Variants in SRPK2 observed in about 807,000 individuals in gnomAD.
The protein encoded by SRPK2 is SFRS protein kinase 2.
A neutral mutation model predicts 90.8 loss-of-function variants in SRPK2; 21 were observed. The ratio of observed to expected loss-of-function variants is 0.23; its 90% CI spans 0.16 to 0.33. The LOEUF is 0.33. Ranked by LOEUF, SRPK2 falls within the 10% of genes least tolerant of loss-of-function variation. The pLI, the probability that SRPK2 is intolerant of heterozygous loss-of-function variation, is 1.00. For missense variants in SRPK2, 620 were observed against 869.0 expected, an observed-to-expected ratio of 0.71 and a Z score of 3.60; for synonymous variants, 288 against 311.1, an observed-to-expected ratio of 0.93 and a Z score of 0.78.
chr7:105,178,212 C>G (rs985859822), intron 3 of SRPK2, among the ~76,000 whole-genome samples: 3 of 151,798 alleles, frequency 2.0e-5, no homozygotes, highest in African/African-American at 7.3e-5. Flanking sequence ...AGCAAAAACA[C>G]TAATAATAAT....
At chr7:105,370,726 A>C (rs1318221967) in intron 2 of SRPK2, among the ~76,000 whole-genome samples, 1 of 147,616 alleles carries the variant, frequency 6.8e-6, no homozygotes, top group East Asian at 2.0e-4. Context: ...AATGATTCTC[A>C]TGCCTTACCC....
chr7:105,187,199 C>T (rs1483300524), intron 3 of SRPK2, among the ~76,000 whole-genome samples: 2 of 152,216 alleles, frequency 1.3e-5, no homozygotes, highest in Non-Finnish European at 2.9e-5. Flanking sequence ...AAACCTCCTC[C>T]TCGGTTCTGC....
At chr7:105,306,707 T>C (rs1585637230) in intron 2 of SRPK2, 1 of 334,144 alleles carries the variant, frequency 3.0e-6, no homozygotes, top group East Asian at 7.8e-5. Flanking sequence ...CTGCAATCCA[T>C]TTTAATGCTG....
chr7:105,297,224 AG>A (rs1372646405), intron 2 of SRPK2, among the ~76,000 whole-genome samples: 1 of 152,212 alleles, frequency 6.6e-6, no homozygotes, highest in Non-Finnish European at 1.5e-5. Context: ...TGGAATATAA[AG>A]TAAAAACAAG....
intron 2 of SRPK2, among the ~76,000 whole-genome samples, chr7:105,370,573 C>G (rs1819575743): frequency 6.6e-6 from 1 of 151,286 alleles, no homozygotes; most frequent in Admixed American, 6.6e-5. Context: ...ACAATGCACT[C>G]TGGAACTGAC....
chr7:105,298,697 TAA>T (rs1307393306), intron 2 of SRPK2: 1 of 984,338 alleles, frequency 1.0e-6, no homozygotes, highest in Non-Finnish European at 1.2e-6. Flanking sequence ...ACCCCCTGCC[TAA>T]AATAGTTCAT....
intron 9 of SRPK2, among the ~76,000 whole-genome samples, chr7:105,144,360 C>T (rs1804241157): frequency 6.6e-6 from 1 of 151,682 alleles, no homozygotes; most frequent in South Asian, 2.1e-4. Flanking sequence ...ACTGCCTTAG[C>T]CTCCTGAGTA....
intron 2 of SRPK2, among the ~76,000 whole-genome samples, chr7:105,367,579 A>G (rs1413488999): frequency 6.6e-6 from 1 of 152,120 alleles, no homozygotes; most frequent in Non-Finnish European, 1.5e-5. Context: ...AGGGCATCAC[A>G]GGGATACTTC....
intron 2 of SRPK2, among the ~76,000 whole-genome samples, chr7:105,258,949 T>G (rs1803781926): frequency 6.6e-6 from 1 of 152,146 alleles, no homozygotes; most frequent in Non-Finnish European, 1.5e-5. Context: ...GGACAAAAAC[T>G]GGAAGCATTC....
At chr7:105,381,551 G>C (rs777237614) in intron 2 of SRPK2, among the ~76,000 whole-genome samples, 1 of 152,144 alleles carries the variant, frequency 6.6e-6, no homozygotes, top group Non-Finnish European at 1.5e-5. Flanking sequence ...ACACTGTCCT[G>C]CAATGGTCTT....
Position 105,376,790 on chromosome 7 carries a change from G to A in SRPK2, c.71+11858C>T, listed in dbSNP as rs1341273663. On this transcript the variant is annotated intron_variant, in intron 2 of 15. Transcript: ENST00000393651. ...TGACCTCAGGAGATCCACCCACCTC[G>A]GCCTACCAAAGTGCTAGGATTACAG... is the stretch of plus-strand genomic sequence containing the variant. 3.3e-5 allele frequency among the ~76,000 whole-genome samples: 5 copies of A among 150,662 alleles called. No homozygotes were observed. The East Asian group carries it at 7.8e-4, about 24-fold the overall frequency.
chr7:105,114,893 A>C (rs796877341), downstream of SRPK2, among the ~76,000 whole-genome samples: 3 of 152,350 alleles, frequency 2.0e-5, no homozygotes, highest in African/African-American at 7.2e-5. Flanking sequence ...TGTCCAACAA[A>C]ATTCTATTTA....
At chr7:105,351,532 G>A (rs1817176769) in intron 2 of SRPK2, among the ~76,000 whole-genome samples, 1 of 151,810 alleles carries the variant, frequency 6.6e-6, no homozygotes, top group South Asian at 2.1e-4. Context: ...GCCGGGCGCA[G>A]TAGCTCACAC....
chr7:105,300,132 A>G (rs1686254306), intron 2 of SRPK2, among the ~76,000 whole-genome samples: 1 of 151,674 alleles, frequency 6.6e-6, no homozygotes, highest in Admixed American at 6.6e-5. Context: ...GTGCATCTGT[A>G]GGCCCCGCTA....
intron 2 of SRPK2, among the ~76,000 whole-genome samples, chr7:105,231,474 CTTT>C (rs1460113486): frequency 6.6e-6 from 1 of 152,176 alleles, no homozygotes; most frequent in Non-Finnish European, 1.5e-5. Context: ...GTTTTTAGCT[CTTT>C]GAGGGATCAC....
intron 8 of SRPK2, 90 bp from the exon 9 acceptor site, chr7:105,145,398 T>A: frequency 1.1e-6 from 1 of 948,676 alleles, no homozygotes; most frequent in Non-Finnish European, 1.6e-6. Flanking sequence ...GAAATAATTA[T>A]TGTCTTTTAA....
intron 2 of SRPK2, among the ~76,000 whole-genome samples, chr7:105,336,576 G>T (rs66638610): frequency 1.3e-5 from 2 of 152,034 alleles, no homozygotes; most frequent in African/African-American, 2.4e-5. Context: ...TACATTTGTT[G>T]TTATACGTCT....
In SRPK2 at chr7:105,202,708, C is replaced by T. The variant is rs76958930; in HGVS notation, c.229+920G>A. Among the ~76,000 whole-genome samples, 410 of 152,302 alleles carry T rather than the reference C, an allele frequency of 2.7e-3. 7 individuals carry two copies. The East Asian group carries it at 0.044, about 16-fold the overall frequency. ...CGTGAAATCATAGCTGAAAACATAA[C>T]CCACTATGTCACACAATGGCAGAAC... On this transcript the variant is annotated intron_variant, in intron 3 of 15. Transcript: ENST00000393651.
chr7:105,391,081 C>A (rs1822168428), upstream of SRPK2, among the ~76,000 whole-genome samples: 1 of 152,046 alleles, frequency 6.6e-6, no homozygotes, highest in Non-Finnish European at 1.5e-5. Flanking sequence ...TGCAAATGAC[C>A]AAACTAGCAT....
Sources: gnomAD v4.1 joint callset for allele counts (sites outside exome capture counted in the v4.1 genomes callset) on GRCh38, gnomAD v4.1.1 for gene constraint, MANE v1.5 for transcripts, NCBI Gene and HGNC (gene_info 2026-07-23, HGNC 2026-07-21) for gene names.